The following C8orf34 variants were observed in gnomAD, a reference collection of about 807,000 sequenced individuals.
C8orf34 encodes the protein chromosome 8 open reading frame 34.
Under a neutral mutation model 68.3 loss-of-function variants are expected in C8orf34, and 65 were observed. That is an observed-to-expected ratio of 0.95 (90% CI 0.78 to 1.17). C8orf34 has a LOEUF of 1.17. Ranked by LOEUF, C8orf34 falls within the 50% of genes most tolerant of loss-of-function variation. The probability of loss-of-function intolerance (pLI) is 0.00; values close to 1 mark genes in which losing one functional copy is unlikely to be tolerated. For synonymous variants in C8orf34, 244 were observed against 241.2 expected (o/e 1.01, Z -0.11); for missense variants, 664 against 655.4 (o/e 1.01, Z -0.14).
At chr8:68,441,083 C>G (rs1262738977) in intron 2 of C8orf34, among the ~76,000 whole-genome samples, 1 of 152,042 alleles carries the variant, frequency 6.6e-6, no homozygotes, top group African/African-American at 2.4e-5. Flanking sequence ...GGATTACAGG[C>G]ATGAGCCACC....
chr8:68,451,810 C>A (rs1811356224), intron 3 of C8orf34, among the ~76,000 whole-genome samples: 1 of 151,962 alleles, frequency 6.6e-6, no homozygotes. Context: ...AAAACGAGCA[C>A]ATGCTGTTGG....
intron 10 of C8orf34, among the ~76,000 whole-genome samples, chr8:68,752,428 A>G (rs1322759409): frequency 6.6e-6 from 1 of 152,100 alleles, no homozygotes; most frequent in Non-Finnish European, 1.5e-5. Context: ...CTGGCTGGGT[A>G]GGGCCATCTT....
chr8:68,612,428 C>A (rs1240853346), intron 7 of C8orf34, among the ~76,000 whole-genome samples: 1 of 152,104 alleles, frequency 6.6e-6, no homozygotes, highest in African/African-American at 2.4e-5. Flanking sequence ...CACTCTGAAC[C>A]ACTAGACCAT....
At chr8:68,411,793 AT>A (rs1206585281) in intron 1 of C8orf34, among the ~76,000 whole-genome samples, 1 of 152,090 alleles carries the variant, frequency 6.6e-6, no homozygotes, top group Non-Finnish European at 1.5e-5. Context: ...AATTATACAG[AT>A]TTTTTTCTAT....
chr8:68,472,859 A>G (rs895262288), intron 4 of C8orf34, among the ~76,000 whole-genome samples: 2 of 152,058 alleles, frequency 1.3e-5, no homozygotes, highest in Non-Finnish European at 1.5e-5. Flanking sequence ...CTCTAGTGTA[A>G]ATTTTAATTC....
At chr8:68,423,330 C>G (rs1480308207) in intron 1 of C8orf34, among the ~76,000 whole-genome samples, 1 of 152,176 alleles carries the variant, frequency 6.6e-6, no homozygotes, top group Non-Finnish European at 1.5e-5. Flanking sequence ...CCACAGACCT[C>G]TAATTCAGGG....
At chr8:68,731,188 G>A (rs963149047) in intron 10 of C8orf34, among the ~76,000 whole-genome samples, 3 of 152,060 alleles carry the variant, frequency 2.0e-5, no homozygotes, top group East Asian at 1.9e-4. Flanking sequence ...CTTCAGCTAC[G>A]AAAACTACAT....
intron 1 of C8orf34, among the ~76,000 whole-genome samples, chr8:68,346,535 T>A (rs1806291740): frequency 1.3e-5 from 2 of 152,152 alleles, no homozygotes; most frequent in Admixed American, 1.3e-4. Context: ...TGATGTATAT[T>A]CACCATTATA....
intron 10 of C8orf34, among the ~76,000 whole-genome samples, chr8:68,751,506 T>C (rs1027550606): frequency 6.6e-6 from 1 of 152,138 alleles, no homozygotes; most frequent in Admixed American, 6.6e-5. Context: ...TGAGTCTTAA[T>C]AGAAAAATGT....
At chr8:68,471,049 T>A (rs1009667382) in intron 4 of C8orf34, among the ~76,000 whole-genome samples, 10 of 152,008 alleles carry the variant, frequency 6.6e-5, no homozygotes, top group Non-Finnish European at 1.0e-4. Flanking sequence ...GTAGAAGAGA[T>A]ACAGGTATAG....
At chr8:68,667,466 C>T (rs922057089) in intron 8 of C8orf34, among the ~76,000 whole-genome samples, 13 of 152,110 alleles carry the variant, frequency 8.5e-5, no homozygotes, top group Non-Finnish European at 1.6e-4. Context: ...ACCAGATTTT[C>T]CTGTTAAGTC....
chr8:68,405,622 G>A (rs1809159886), intron 1 of C8orf34, among the ~76,000 whole-genome samples: 1 of 152,126 alleles, frequency 6.6e-6, no homozygotes. Flanking sequence ...ATTTCACATG[G>A]TTGTGAATTA....
At chr8:68,785,499 G>A (rs571896398) in intron 11 of C8orf34, among the ~76,000 whole-genome samples, 9 of 152,220 alleles carry the variant, frequency 5.9e-5, no homozygotes, top group East Asian at 3.9e-4. Context: ...TTATCATCTC[G>A]AGTACAGTGC....
intron 12 of C8orf34, among the ~76,000 whole-genome samples, chr8:68,815,606 A>G (rs1166925723): frequency 6.6e-6 from 1 of 152,154 alleles, no homozygotes; most frequent in East Asian, 1.9e-4. Flanking sequence ...CACAGACTAC[A>G]TACATATCCA....
intron 3 of C8orf34, among the ~76,000 whole-genome samples, chr8:68,454,107 C>T (rs1383384441): frequency 6.6e-6 from 1 of 151,930 alleles, no homozygotes; most frequent in Non-Finnish European, 1.5e-5. Flanking sequence ...CCCTTGAATT[C>T]CTAGGATAAA....
intron 8 of C8orf34, among the ~76,000 whole-genome samples, chr8:68,649,422 A>G (rs1819277022): frequency 6.6e-6 from 1 of 152,236 alleles, no homozygotes; most frequent in Non-Finnish European, 1.5e-5. Flanking sequence ...CGATAGTGCC[A>G]TGGGAGAAAA....
chr8:68,782,545 C>A (rs771192591), intron 11 of C8orf34, among the ~76,000 whole-genome samples: 10 of 150,650 alleles, frequency 6.6e-5, no homozygotes, highest in Non-Finnish European at 1.5e-4. Context: ...TACAAGAGAT[C>A]ATCTAATCCA....
chr8:68,665,147 T>C (rs1819800595), intron 8 of C8orf34, among the ~76,000 whole-genome samples: 1 of 152,338 alleles, frequency 6.6e-6, no homozygotes, highest in African/African-American at 2.4e-5. Flanking sequence ...TTCACATTTG[T>C]GTAATGAACA....
At chr8:68,440,671 G>A (rs1810862453) in intron 2 of C8orf34, among the ~76,000 whole-genome samples, 1 of 152,142 alleles carries the variant, frequency 6.6e-6, no homozygotes, top group Non-Finnish European at 1.5e-5. Context: ...GTAGGCAGGG[G>A]CTTTGGTTTG....
Sources: allele counts gnomAD v4.1 joint callset (sites outside exome capture counted in the v4.1 genomes callset), GRCh38; gene constraint gnomAD v4.1.1; transcripts MANE v1.5; gene names NCBI Gene and HGNC (gene_info 2026-07-23, HGNC 2026-07-21).